UGT2A1: variants seen among roughly 807,000 people sequenced by gnomAD.
The protein encoded by UGT2A1 is UDP-glucuronosyltransferase 2A1.
A neutral mutation model predicts 45.4 loss-of-function variants in UGT2A1; 61 were observed. The ratio of observed to expected loss-of-function variants is 1.34; its 90% CI spans 1.09 to 1.66. The LOEUF (loss-of-function observed/expected upper bound fraction) is 1.66, where lower values mean the gene tolerates loss of function less well. Among genes scored for constraint, UGT2A1 ranks in the 40% most tolerant of loss-of-function variants. The pLI, the probability that UGT2A1 is intolerant of heterozygous loss-of-function variation, is 0.00. For missense variants in UGT2A1, 649 were observed against 574.3 expected, an observed-to-expected ratio of 1.13 and a Z score of -1.33; for synonymous variants, 229 against 196.2, an observed-to-expected ratio of 1.17 and a Z score of -1.40.
At chr4:69,621,490 T>TA (rs111659978) in intron 3 of UGT2A1, among the ~76,000 whole-genome samples, 5 of 151,638 alleles carry the variant, frequency 3.3e-5, no homozygotes, top group East Asian at 1.9e-4. Flanking sequence ...TATTAAAAAG[T>TA]AAAAAAAATA....
intron 2 of UGT2A1, chr4:69,639,099 C>T (rs759362531): frequency 3.7e-6 from 6 of 1,613,494 alleles, no homozygotes; most frequent in Non-Finnish European, 4.2e-6. Context: ...TGGAGAGAAC[C>T]TCAATGTGTA....
intron 6 of UGT2A1, among the ~76,000 whole-genome samples, chr4:69,590,374 T>A (rs955041217): frequency 6.6e-6 from 1 of 152,184 alleles, no homozygotes; most frequent in African/African-American, 2.4e-5. Flanking sequence ...TGGGTGGATA[T>A]CTACATATTT....
intron 3 of UGT2A1, among the ~76,000 whole-genome samples, chr4:69,626,173 A>G (rs1835829): frequency 0.37 from 55,024 of 150,670 alleles, 10,608 homozygotes; most frequent in East Asian, 0.59. Context: ...ATTCTGTTAA[A>G]TATTTGGACG....
chr4:69,595,417 T>C (rs917560665), intron 4 of UGT2A1, among the ~76,000 whole-genome samples, 168 bp from the exon 5 acceptor site: 6 of 152,210 alleles, frequency 3.9e-5, no homozygotes, highest in Admixed American at 3.3e-4. Flanking sequence ...ATGTACCTTT[T>C]TGTAAAGTCT....
intron 3 of UGT2A1, 96 bp from the exon 4 acceptor site, chr4:69,599,490 G>A (rs1719132436): frequency 6.5e-7 from 1 of 1,539,126 alleles, no homozygotes; most frequent in Non-Finnish European, 8.7e-7. Flanking sequence ...AAGCTGTTAA[G>A]AAAAAACTGA....
chr4:69,610,158 C>T (rs1378277778), intron 3 of UGT2A1, among the ~76,000 whole-genome samples: 1 of 151,946 alleles, frequency 6.6e-6, no homozygotes, highest in African/African-American at 2.4e-5. Context: ...AAAATACATG[C>T]ATATTTTAAA....
intron 6 of UGT2A1, 91 bp from the exon 7 acceptor site, chr4:69,589,742 T>C: frequency 6.7e-7 from 1 of 1,499,114 alleles, no homozygotes; most frequent in South Asian, 1.4e-5. Context: ...CTCTACAAGT[T>C]TAAGGCCATA....
intron 1 of UGT2A1, among the ~76,000 whole-genome samples, chr4:69,650,402 G>A (rs1289074448): frequency 6.6e-6 from 1 of 152,040 alleles, no homozygotes; most frequent in Non-Finnish European, 1.5e-5. Context: ...TAGTCAGCAA[G>A]ATATTAAAAA....
Position 69,588,749 on chromosome 4 carries a change from G to A in UGT2A1, c.*623C>T, listed in dbSNP as rs1718401113. On this transcript the variant is annotated 3_prime_UTR_variant, in exon 7 of 7. Coordinates refer to ENST00000286604, the MANE Select transcript of UGT2A1 (RefSeq NM_001252275.3). ...AAGAATATATGTTGAAGAAAGGCAG[G>A]CAAGTTATGCCGTGATTTTCTAGAT... 6.6e-6 allele frequency: 1 copy of A among 151,988 alleles called. No homozygotes were observed. The highest frequency in any genetic ancestry group is 2.4e-5 in the African/African-American group (1 of 41,386). The allele number at this position is 151,988 out of a possible 1,614,324, so 9.4% of individuals were successfully genotyped here.
chr4:69,624,398 T>A (rs548430551), intron 3 of UGT2A1, among the ~76,000 whole-genome samples: 10 of 151,464 alleles, frequency 6.6e-5, no homozygotes, highest in South Asian at 4.2e-4. Flanking sequence ...CTTGCTTTTT[T>A]TAAAAAAATC....
chr4:69,617,506 A>G (rs763087274), intron 3 of UGT2A1, among the ~76,000 whole-genome samples: 1 of 151,966 alleles, frequency 6.6e-6, no homozygotes, highest in South Asian at 2.1e-4. Flanking sequence ...ATGAACACAC[A>G]CAACATATTT....
At chr4:69,612,681 G>A (rs988481485) in intron 3 of UGT2A1, among the ~76,000 whole-genome samples, 2 of 151,972 alleles carry the variant, frequency 1.3e-5, no homozygotes, top group African/African-American at 2.4e-5. Context: ...GCCATATGCA[G>A]AAGAAAGAAA....
At chr4:69,621,052 A>G (rs1720725092) in intron 3 of UGT2A1, among the ~76,000 whole-genome samples, 1 of 152,080 alleles carries the variant, frequency 6.6e-6, no homozygotes, top group Non-Finnish European at 1.5e-5. Context: ...AGAAACCTAG[A>G]AGACAACTTA....
At chr4:69,598,805 G>T (rs1301002817) in intron 4 of UGT2A1, among the ~76,000 whole-genome samples, 2 of 151,880 alleles carry the variant, frequency 1.3e-5, no homozygotes, top group African/African-American at 4.8e-5. Flanking sequence ...TTATTTCATT[G>T]TCTTTCTTCA....
intron 3 of UGT2A1, among the ~76,000 whole-genome samples, chr4:69,604,036 G>C (rs1055787755): frequency 3.7e-5 from 5 of 136,440 alleles, no homozygotes; most frequent in Admixed American, 3.6e-4. Context: ...AGCAAGGAAG[G>C]CCAACGTTCA....
At chr4:69,639,530 T>C (rs774661303) in intron 2 of UGT2A1, 1 of 1,613,306 alleles carries the variant, frequency 6.2e-7, no homozygotes, top group South Asian at 1.1e-5. Flanking sequence ...GGCTACCATC[T>C]GTAGGCCAAA....
intron 3 of UGT2A1, among the ~76,000 whole-genome samples, chr4:69,610,456 TA>T (rs973065304): frequency 3.3e-4 from 51 of 152,304 alleles, no homozygotes; most frequent in Admixed American, 1.9e-3. Flanking sequence ...GTATTACAAA[TA>T]TTTTTTTCAG....
intron 3 of UGT2A1, among the ~76,000 whole-genome samples, chr4:69,618,497 G>C (rs1720549506): frequency 6.6e-6 from 1 of 151,804 alleles, no homozygotes; most frequent in Non-Finnish European, 1.5e-5. Flanking sequence ...GTCTATTTCT[G>C]CTGCCAAAAA....
At position 69,614,548 on chromosome 4, in the gene UGT2A1, A is replaced by T. The variant is rs540675582; in HGVS notation, c.848-15154T>A. ...GAGCAAAAAGAACAAAGTTGGAGGA[A>T]CTACATTACTTGACTTCAAATTATA... is the stretch of plus-strand genomic sequence containing the variant. On this transcript the variant is annotated intron_variant, in intron 3 of 6. Transcript: ENST00000286604. Among the ~76,000 whole-genome samples the T allele has an allele frequency of 7.9e-5, 12 of 152,152 alleles. No individual in the cohort carries two copies. The East Asian group carries it at 2.3e-3, about 29-fold the overall frequency.
Sources: gnomAD v4.1 joint callset for allele counts (sites outside exome capture counted in the v4.1 genomes callset) on GRCh38, gnomAD v4.1.1 for gene constraint, MANE v1.5 for transcripts, NCBI Gene and HGNC (gene_info 2026-07-23, HGNC 2026-07-21) for gene names.